Variants in OVCH2 observed in about 807,000 individuals in gnomAD.
OVCH2 encodes the protein ovochymase 2.
OVCH2 carries 88 observed loss-of-function variants against 73.7 expected under a neutral mutation model. The ratio of observed to expected loss-of-function variants is 1.19; its 90% CI spans 1.01 to 1.43. The LOEUF is 1.43. Among genes scored for constraint, OVCH2 ranks in the 40% most tolerant of loss-of-function variants. The probability of loss-of-function intolerance (pLI) is 0.00; values close to 1 mark genes in which losing one functional copy is unlikely to be tolerated. For synonymous variants in OVCH2, 265 were observed against 234.5 expected, an observed-to-expected ratio of 1.13 and a Z score of -1.19; for missense variants, 706 against 674.5, an observed-to-expected ratio of 1.05 and a Z score of -0.52.
In OVCH2 at chr11:7,701,369, G is replaced by A. The variant is rs1424479999; in HGVS notation, c.666C>T (p.Thr222=). The part of the protein sequence containing the change: ...LTLKRPISGK[T]FLCTGFPDGG... ...CATCAGGAAAACCTGTGCAAAGAAA[G>A]GTCTTCCCACTGATGGGCCTCTTTA... Residue 222 remains threonine, a synonymous_variant, in exon 6 of 16, where the codon ACC becomes ACT. Transcript: ENST00000533663. 1 of 1,613,274 alleles carries A rather than the reference G, an allele frequency of 6.2e-7. No individual in the cohort carries two copies.
chr11:7,691,264 C>T lies in OVCH2; in HGVS notation c.1639+5G>A. ...ACCAAAGAGTTGGTAACTCTATCTT[C>T]TTACCTGCTTTAGGAATGAAGGAGA... On this transcript the variant is annotated splice_donor_5th_base_variant and intron_variant, in intron 14 of 15. Transcript: ENST00000533663. 6.2e-7 allele frequency: 1 copy of T among 1,604,030 alleles called. No homozygotes were observed.
rs376873541 is a variant in OVCH2 at position 7,701,755 on chromosome 11, A to C, written c.520T>G (p.Phe174Val). 9 of 1,612,716 alleles carry C rather than the reference A, an allele frequency of 5.6e-6. No homozygotes were observed. The African/African-American group carries it at 1.2e-4, about 22-fold the overall frequency. Residue 174 changes from phenylalanine (F) to valine (V), a missense_variant, in exon 5 of 16, where the codon TTT (phenylalanine) becomes GTT (valine). By Grantham distance (50) the Phe-to-Val change is conservative (BLOSUM62 -1). Coordinates refer to ENST00000533663, the MANE Select transcript of OVCH2 (RefSeq NM_198185.7). ...PELREQFEAG[F>V]ICTTAGWGRL... ...CCCCAGCCTGCAGTTGTACAAATAA[A>C]ACCAGCCTCAAATTGCTCCCGCAGC...
chr11:7,695,551 T>C lies in OVCH2; in HGVS notation c.1282+19A>G. On this transcript the variant is annotated intron_variant, in intron 11 of 15. Transcript: ENST00000533663. ...ACAGAAGGTGGAGATAGTATGTGAT[T>C]AAAAGTAAATGGTTTTACCAGGAAT... 1.2e-6 allele frequency: 2 copies of C among 1,604,200 alleles called. No individual in the cohort carries two copies. The highest frequency in any genetic ancestry group is 1.7e-4 in the Middle Eastern group (1 of 6,048).
chr11:7,703,874 G>A, intron 2 of OVCH2, 85 bp from the exon 3 acceptor site: 1 of 1,010,912 alleles, frequency 9.9e-7, no homozygotes, highest in East Asian at 2.6e-5. Flanking sequence ...CTCAAAACCA[G>A]ACTCAGATAT....
chr11:7,701,662 GC>G, intron 5 of OVCH2, 53 bp downstream of exon 5: 1 of 1,537,730 alleles, frequency 6.5e-7, no homozygotes, highest in Non-Finnish European at 8.9e-7. Context: ...TTTTCTGATT[GC>G]CCACCAGAAA....
At chr11:7,695,294 T>A in intron 11 of OVCH2, 106 bp from the exon 12 acceptor site, 1 of 1,318,666 alleles carries the variant, frequency 7.6e-7, no homozygotes, top group Non-Finnish European at 1.0e-6. Flanking sequence ...AATTGCATTT[T>A]CAGACACTGC....
rs376941800 is a variant in OVCH2, at chr11:7,700,380, C to T, written c.817G>A (p.Val273Met). ...LGCGRGWRNN[V>M]RKSDQGSPGI... ...GGGGATCCTTGATCACTTTTCCTCA[C>T]ATTGTTTCTCCAGCCTCGACCACAG... The change falls in exon 7 of 16, where the codon GTG becomes ATG. Residue 273 changes from valine (V) to methionine (M), a missense_variant. Physicochemically the swap from Val to Met is conservative, Grantham distance 21. Transcript: ENST00000533663. 14 of 1,613,524 alleles carry T rather than the reference C, an allele frequency of 8.7e-6. No homozygotes were observed. The highest frequency in any genetic ancestry group is 1.1e-5 in the Non-Finnish European group (13 of 1,179,794).
At chr11:7,686,676 T>A (rs548909220), downstream of OVCH2, among the ~76,000 whole-genome samples, 38 of 152,310 alleles carry the variant, frequency 2.5e-4, 1 homozygote, top group South Asian at 7.5e-3. Context: ...ATCCTGAAAC[T>A]AAGAAAGGAG....
intron 6 of OVCH2, among the ~76,000 whole-genome samples, chr11:7,700,768 C>T (rs1256148957): frequency 6.6e-6 from 1 of 152,174 alleles, no homozygotes; most frequent in Non-Finnish European, 1.5e-5. Context: ...TCAGAGAAGT[C>T]TTGGCCAGCA....
intron 3 of OVCH2, 77 bp downstream of exon 3, chr11:7,703,621 A>T: frequency 8.6e-7 from 1 of 1,165,878 alleles, no homozygotes; most frequent in Non-Finnish European, 1.2e-6. Context: ...TCCATGTTTT[A>T]ATAGGGTTAT....
Position 7,695,579 on chromosome 11 carries a change from A to T in OVCH2, c.1273T>A (p.Tyr425Asn). 6.2e-7 allele frequency: 1 copy of T among 1,613,082 alleles called. No homozygotes were observed. The highest frequency in any genetic ancestry group is 1.3e-5 in the African/African-American group (1 of 74,946). The stretch of plus-strand genomic sequence containing the variant: ...AAGTAAATGGTTTTACCAGGAATGT[A>T]GTTTGGTTTAAGAGCTTTATAGGTA... ...NLTYKALKPNYIPDSGCSYLT... is the reference protein window; with the variant it reads ...NLTYKALKPNNIPDSGCSYLT... Residue 425 changes from tyrosine (Y) to asparagine (N), a missense_variant, in exon 11 of 16, where the codon TAC becomes AAC. Transcript: ENST00000533663.
chr11:7,701,232 A>G, intron 6 of OVCH2, 92 bp downstream of exon 6: 1 of 1,425,238 alleles, frequency 7.0e-7, no homozygotes, highest in Non-Finnish European at 9.3e-7. Context: ...TTCTAATTAA[A>G]TTAAATTTCA....
At chr11:7,681,887 C>T in the OVCH2 span, among the ~76,000 whole-genome samples, 23,642 of 149,090 alleles carry the variant, frequency 0.16, 1,974 homozygotes, top group Middle Eastern at 0.19. Flanking sequence ...AATGAAGGGA[C>T]GCATTCCAGA....
rs752455233 is a variant in OVCH2, at chr11:7,706,359, T to G, written c.36A>C (p.Leu12=). Residue 12 remains leucine, a synonymous_variant, in exon 1 of 16, where the codon CTA becomes CTC. Coordinates refer to ENST00000533663, the MANE Select transcript of OVCH2 (RefSeq NM_198185.7). The part of the protein sequence containing the change: ...LISRNKLILL[L]GIVFFERGKS... ...TACCTCGTTCAAAAAAGACTATTCC[T>G]AGTAGTAAAATCAGCTTGTTCCTGC... 6.3e-6 allele frequency: 10 copies of G among 1,587,872 alleles called. No homozygotes were observed. Among genetic ancestry groups the G allele is most frequent in the African/African-American group, 1.3e-5 (1 of 74,736 alleles).
intron 3 of OVCH2, among the ~76,000 whole-genome samples, chr11:7,702,745 C>A (rs1219773122): frequency 6.6e-6 from 1 of 152,078 alleles, no homozygotes; most frequent in Admixed American, 6.6e-5. Context: ...TGTCAGAGAT[C>A]CTATGCTTAG....
chr11:7,701,452 G>T lies in OVCH2; in HGVS notation c.583C>A (p.Gln195Lys), dbSNP rs767353638. ...GTCAAAATAGGCAGATTCACTTCCT[G>T]CAAGACTTGTGAGAGGACGCCACCT... is the stretch of plus-strand genomic sequence containing the variant. Reference protein sequence around the residue: ...TEGGVLSQVLQEVNLPILTWE... With the variant: ...TEGGVLSQVLKEVNLPILTWE... Residue 195 changes from glutamine (Q) to lysine (K), a missense_variant, in exon 6 of 16, where the codon CAG becomes AAG. Transcript: ENST00000533663. The T allele has an allele frequency of 1.2e-6, 2 of 1,611,836 alleles. No homozygotes were observed. Among genetic ancestry groups the T allele is most frequent in the Non-Finnish European group, 8.5e-7 (1 of 1,179,094 alleles).
intron 7 of OVCH2, 47 bp from the exon 8 acceptor site, chr11:7,698,820 A>C (rs750755009): frequency 3.8e-6 from 6 of 1,597,708 alleles, no homozygotes; most frequent in Non-Finnish European, 5.1e-6. Context: ...TGGTATCCTG[A>C]ACAACGCTTC....
At position 7,703,773 on chromosome 11, in the gene OVCH2, CTT is replaced by C; in HGVS notation, c.213_214del (p.Arg72AlafsTer39). The C allele has an allele frequency of 6.2e-7, 1 of 1,607,902 alleles. No homozygotes were observed. Among genetic ancestry groups the C allele is most frequent in the Non-Finnish European group, 8.5e-7 (1 of 1,177,026 alleles). On this transcript the variant is annotated frameshift_variant, in exon 3 of 16. Coordinates refer to ENST00000533663, the MANE Select transcript of OVCH2 (RefSeq NM_198185.7). LOFTEE classifies it high-confidence loss of function. The stretch of plus-strand genomic sequence containing the variant: ...GCTTCCTCCACAAATATGCTTCTGC[CTT>C]TGTTTCAGAGATACCTAAATTGCAA...
chr11:7,683,362 T>C, the OVCH2 span, among the ~76,000 whole-genome samples: 1 of 152,152 alleles, frequency 6.6e-6, no homozygotes, highest in African/African-American at 2.4e-5. Context: ...TTGACATCTC[T>C]CTTTCACACC....
Sources: gnomAD v4.1 joint callset for allele counts (sites outside exome capture counted in the v4.1 genomes callset) on GRCh38, gnomAD v4.1.1 for gene constraint, MANE v1.5 for transcripts, NCBI Gene and HGNC (gene_info 2026-07-23, HGNC 2026-07-21) for gene names.